The following ADAMTS3 variants were observed in gnomAD, a reference collection of about 807,000 sequenced individuals.
The protein encoded by ADAMTS3 is ADAM metallopeptidase with thrombospondin type 1 motif 3.
Under a neutral mutation model 129.0 loss-of-function variants are expected in ADAMTS3, and 73 were observed. The observed-to-expected ratio is 0.57, with a 90% CI of 0.47 to 0.69. The LOEUF (loss-of-function observed/expected upper bound fraction) is 0.69. Ranked by LOEUF, ADAMTS3 falls within the 30% of genes least tolerant of loss-of-function variation. The pLI is 0.00. For synonymous variants in ADAMTS3, 477 were observed against 510.8 expected (o/e 0.93, Z 0.89); for missense variants, 1,457 against 1,514.5 (o/e 0.96, Z 0.63).
chr4:72,567,016 C>CAAATGTGCTCCTCCT (rs2109812252), intron 2 of ADAMTS3, among the ~76,000 whole-genome samples: 1 of 152,320 alleles, frequency 6.6e-6, no homozygotes, highest in Non-Finnish European at 1.5e-5. Flanking sequence ...CTGTTGTACT[C>CAAATGTGCTCCTCCT]AAATGTGCTC....
At chr4:72,469,567 G>A (rs745925098) in intron 3 of ADAMTS3, among the ~76,000 whole-genome samples, 51 of 152,126 alleles carry the variant, frequency 3.4e-4, no homozygotes, top group South Asian at 2.5e-3. Context: ...TCACCTCTCC[G>A]TGATCAGCAT....
chr4:72,430,867 G>A (rs1297207278), intron 3 of ADAMTS3, among the ~76,000 whole-genome samples: 1 of 148,530 alleles, frequency 6.7e-6, no homozygotes, highest in Non-Finnish European at 1.5e-5. Flanking sequence ...GGCTGGAATA[G>A]AAGATGAGTT....
intron 3 of ADAMTS3, among the ~76,000 whole-genome samples, chr4:72,516,666 T>A (rs1166644868): frequency 1.3e-5 from 2 of 152,186 alleles, no homozygotes; most frequent in African/African-American, 4.8e-5. Context: ...AGAATGCTTG[T>A]GATTTTTGTA....
At chr4:72,387,121 G>T (rs998255039) in intron 4 of ADAMTS3, among the ~76,000 whole-genome samples, 3 of 152,154 alleles carry the variant, frequency 2.0e-5, no homozygotes, top group Admixed American at 1.3e-4. Flanking sequence ...TCACTGATTA[G>T]AATTTGTTTT....
Position 72,339,613 on chromosome 4 carries a change from G to A in ADAMTS3, c.742C>T (p.Arg248Cys), listed in dbSNP as rs751448632. The A allele has an allele frequency of 5.8e-5, 94 of 1,613,768 alleles. No homozygotes were observed. Among genetic ancestry groups the A allele is most frequent in the Non-Finnish European group, 7.6e-5 (90 of 1,179,898 alleles). ...TAATCGTTTTCTCCCGCGTGTCTGCGGCGTCTCATTGTTTCATTCAGCTGC... is the reference window on the plus strand; with the variant it reads ...TAATCGTTTTCTCCCGCGTGTCTGCAGCGTCTCATTGTTTCATTCAGCTGC... ...HQQLNETMRR[R>C]RHAGENDYNI... The change falls in exon 5 of 22, where the codon CGC becomes TGC. Residue 248 changes from arginine (R) to cysteine (C), a missense_variant. By Grantham distance (180) the Arg-to-Cys change is radical (BLOSUM62 -3). Transcript: ENST00000286657.
intron 17 of ADAMTS3, among the ~76,000 whole-genome samples, chr4:72,300,899 A>G (rs1360429878): frequency 6.6e-6 from 1 of 152,184 alleles, no homozygotes; most frequent in East Asian, 1.9e-4. Context: ...GCTTGGAAGC[A>G]GAGTAACCCC....
At chr4:72,361,593 G>T (rs1032841517) in intron 4 of ADAMTS3, among the ~76,000 whole-genome samples, 13 of 152,022 alleles carry the variant, frequency 8.6e-5, no homozygotes, top group Admixed American at 2.0e-4. Flanking sequence ...AAAATCCAAC[G>T]AATAGTTTGG....
chr4:72,409,252 G>A (rs1465145219), intron 4 of ADAMTS3, among the ~76,000 whole-genome samples: 1 of 152,046 alleles, frequency 6.6e-6, no homozygotes, highest in Non-Finnish European at 1.5e-5. Context: ...TTGAAAAGGA[G>A]CAATTACATT....
At chr4:72,567,231 A>C in intron 2 of ADAMTS3, 143 bp downstream of exon 2, 1 of 808,766 alleles carries the variant, frequency 1.2e-6, no homozygotes, top group East Asian at 2.7e-5. Flanking sequence ...AAAGAGGAAG[A>C]GAAGAACAGA....
At chr4:72,356,120 C>T (rs1040810413) in intron 4 of ADAMTS3, among the ~76,000 whole-genome samples, 1 of 151,784 alleles carries the variant, frequency 6.6e-6, no homozygotes, top group Non-Finnish European at 1.5e-5. Flanking sequence ...ATTTGTTAAA[C>T]AAATGAGTGA....
intron 19 of ADAMTS3, among the ~76,000 whole-genome samples, chr4:72,294,211 A>C (rs1314033646): frequency 1.3e-5 from 2 of 152,124 alleles, no homozygotes; most frequent in Non-Finnish European, 2.9e-5. Flanking sequence ...TGTGACCTTC[A>C]CTTGTTTTCT....
chr4:72,530,217 TA>T (rs1720966107), intron 3 of ADAMTS3, among the ~76,000 whole-genome samples: 1 of 14,350 alleles, frequency 7.0e-5, no homozygotes, highest in South Asian at 1.3e-3. Context: ...GTTATTTTAA[TA>T]TATATATATT....
intron 20 of ADAMTS3, 65 bp downstream of exon 20, chr4:72,290,790 T>C: frequency 6.5e-7 from 1 of 1,534,068 alleles, no homozygotes; most frequent in Non-Finnish European, 9.0e-7. Flanking sequence ...TTAAGCCAAA[T>C]TAAAATATCT....
intron 3 of ADAMTS3, among the ~76,000 whole-genome samples, chr4:72,450,568 A>G (rs142184976): frequency 1.1e-3 from 160 of 151,842 alleles, no homozygotes; most frequent in African/African-American, 3.8e-3. Context: ...GTCTTACAGA[A>G]TCTTTTCTGA....
At chr4:72,396,322 G>A (rs1327638104) in intron 4 of ADAMTS3, among the ~76,000 whole-genome samples, 1 of 152,036 alleles carries the variant, frequency 6.6e-6, no homozygotes, top group Non-Finnish European at 1.5e-5. Context: ...TCAGATAGGA[G>A]AAGCTAAAAA....
At chr4:72,449,072 T>C (rs1478747797) in intron 3 of ADAMTS3, among the ~76,000 whole-genome samples, 1 of 151,678 alleles carries the variant, frequency 6.6e-6, no homozygotes, top group African/African-American at 2.4e-5. Context: ...CTCTCCTTAT[T>C]TTCCCCCAGC....
At chr4:72,396,583 G>A (rs994626502) in intron 4 of ADAMTS3, among the ~76,000 whole-genome samples, 5 of 152,160 alleles carry the variant, frequency 3.3e-5, no homozygotes, top group African/African-American at 1.2e-4. Context: ...CAGGGGAGAC[G>A]ATGAGGAAGC....
At chr4:72,518,006 G>A (rs1479036901) in intron 3 of ADAMTS3, among the ~76,000 whole-genome samples, 1 of 151,690 alleles carries the variant, frequency 6.6e-6, no homozygotes, top group East Asian at 1.9e-4. Flanking sequence ...ACACTGCTTT[G>A]AATGTGTCCC....
chr4:72,389,246 G>C (rs1721523540), intron 4 of ADAMTS3, among the ~76,000 whole-genome samples: 1 of 151,974 alleles, frequency 6.6e-6, no homozygotes, highest in Non-Finnish European at 1.5e-5. Flanking sequence ...TACCGCACAG[G>C]TATCCTAACT....
Sources: allele counts gnomAD v4.1 joint callset (sites outside exome capture counted in the v4.1 genomes callset), GRCh38; gene constraint gnomAD v4.1.1; transcripts MANE v1.5; gene names NCBI Gene and HGNC (gene_info 2026-07-23, HGNC 2026-07-21).